Variants in JARID2 observed in about 807,000 individuals in gnomAD.
JARID2 encodes the protein jumonji and AT-rich interaction domain containing 2.
Under a neutral mutation model 125.6 loss-of-function variants are expected in JARID2, and 21 were observed. That is an observed-to-expected ratio of 0.17 (90% CI 0.12 to 0.24). The LOEUF (loss-of-function observed/expected upper bound fraction) is 0.24. JARID2 is among the 10% of genes least tolerant of loss of function. JARID2 has a pLI of 1.00. For missense variants in JARID2, 1,303 were observed against 1,639.6 expected, an observed-to-expected ratio of 0.79 and a Z score of 3.55; for synonymous variants, 736 against 661.6, an observed-to-expected ratio of 1.11 and a Z score of -1.73.
chr6:15,460,403 T>G (rs952273800), intron 4 of JARID2, among the ~76,000 whole-genome samples: 2 of 152,320 alleles, frequency 1.3e-5, no homozygotes, highest in South Asian at 4.1e-4. Flanking sequence ...GTAGTACTTC[T>G]CAGAGTCATC....
chr6:15,441,685 C>A (rs1173526907), intron 3 of JARID2, among the ~76,000 whole-genome samples: 2 of 152,184 alleles, frequency 1.3e-5, no homozygotes, highest in Non-Finnish European at 2.9e-5. Flanking sequence ...ATGGTTAGGA[C>A]CTCACCTACC....
chr6:15,429,535 C>G (rs1231765775), intron 3 of JARID2, among the ~76,000 whole-genome samples: 1 of 152,096 alleles, frequency 6.6e-6, no homozygotes, highest in Admixed American at 6.5e-5. Context: ...TCCCAAAGTG[C>G]TGAGATTACA....
chr6:15,388,812 G>C (rs998046961), intron 2 of JARID2, among the ~76,000 whole-genome samples: 1 of 152,024 alleles, frequency 6.6e-6, no homozygotes, highest in Non-Finnish European at 1.5e-5. Context: ...CCTGTTACTA[G>C]TGTTCTTGCT....
rs1198646894 is a variant in JARID2, at chr6:15,377,546, A to AC, written c.181+3299dup. Among the ~76,000 whole-genome samples, 3 of 151,762 alleles carry AC rather than the reference A, an allele frequency of 2.0e-5. No individual in the cohort carries two copies. In the East Asian group the frequency reaches 5.8e-4, roughly 29 times the overall value. ...AATGGCATGATCTTGGCTCACTGCA[A>AC]CCCCCACCTCCCGGGTTCAAGCGAT... On this transcript the variant is annotated intron_variant, in intron 2 of 17. Transcript: ENST00000341776.
At chr6:15,374,302 G>A (rs13214720) in intron 2 of JARID2, 50 bp downstream of exon 2, 178,458 of 1,591,858 alleles carry the variant, frequency 0.11, 10,844 homozygotes, top group Middle Eastern at 0.14. Context: ...ATCTCTGGGC[G>A]TGGACTTGTT....
In JARID2 at chr6:15,330,655, A is replaced by G. The variant is rs1561796064; in HGVS notation, c.46-43462A>G. Among the ~76,000 whole-genome samples, 7 of 152,356 alleles carry G rather than the reference A, an allele frequency of 4.6e-5. No homozygotes were observed. In the South Asian group the frequency reaches 1.4e-3, roughly 32 times the overall value. ...TGTAAATTAGGAAAACAGTCAAAAC[A>G]TTTAACATTTTGAACACTTCACAGA... On this transcript the variant is annotated intron_variant, in intron 1 of 17. Transcript: ENST00000341776.
At chr6:15,487,755 G>A (rs1351759893) in intron 6 of JARID2, among the ~76,000 whole-genome samples, 1 of 152,166 alleles carries the variant, frequency 6.6e-6, no homozygotes, top group South Asian at 2.1e-4. Context: ...ATTCATCCCT[G>A]GGTGCCACTG....
chr6:15,250,801 A>G (rs1247322814), intron 1 of JARID2, among the ~76,000 whole-genome samples: 2 of 152,142 alleles, frequency 1.3e-5, no homozygotes, highest in African/African-American at 4.8e-5. Flanking sequence ...CGCACTTCCA[A>G]GTGCCTTGGA....
chr6:15,425,108 G>T (rs555343714), intron 3 of JARID2, among the ~76,000 whole-genome samples: 67 of 152,296 alleles, frequency 4.4e-4, no homozygotes, highest in African/African-American at 1.3e-3. Context: ...AGTAAATGAT[G>T]TCTGCTCACC....
At chr6:15,280,320 T>C (rs913963588) in intron 1 of JARID2, among the ~76,000 whole-genome samples, 1 of 152,188 alleles carries the variant, frequency 6.6e-6, no homozygotes, top group Admixed American at 6.5e-5. Context: ...CAGGGCCAAG[T>C]TGAGAAATTA....
At chr6:15,365,389 T>C (rs1042407388) in intron 1 of JARID2, among the ~76,000 whole-genome samples, 1 of 152,184 alleles carries the variant, frequency 6.6e-6, no homozygotes, top group African/African-American at 2.4e-5. Flanking sequence ...TTCTGGCTGC[T>C]CTGTTCCCTG....
At chr6:15,427,950 C>G (rs1268490674) in intron 3 of JARID2, among the ~76,000 whole-genome samples, 1 of 151,648 alleles carries the variant, frequency 6.6e-6, no homozygotes, top group Non-Finnish European at 1.5e-5. Context: ...AGTGCAATTG[C>G]AAGTAGTGCA....
In JARID2 at chr6:15,287,247, T is replaced by C. The variant is rs1341542104; in HGVS notation, c.45+40663T>C. 3.3e-5 allele frequency among the ~76,000 whole-genome samples: 5 copies of C among 152,244 alleles called. No homozygotes were observed. In the East Asian group the frequency reaches 9.6e-4, roughly 29 times the overall value. ...AGTGCTTTTGCAATCGGGTGAAATG[T>C]GTGACCCCTTCTTAAAATATTTCCA... On this transcript the variant is annotated intron_variant, in intron 1 of 17. Transcript: ENST00000341776.
intron 5 of JARID2, among the ~76,000 whole-genome samples, chr6:15,477,402 A>G (rs1769395859): frequency 6.6e-6 from 1 of 151,540 alleles, no homozygotes; most frequent in Non-Finnish European, 1.5e-5. Flanking sequence ...CCGAGAGAAC[A>G]TGTGATATTC....
At chr6:15,489,794 G>A (rs1770059364) in intron 6 of JARID2, among the ~76,000 whole-genome samples, 1 of 152,182 alleles carries the variant, frequency 6.6e-6, no homozygotes, top group Non-Finnish European at 1.5e-5. Context: ...GTCCTTGCAG[G>A]GAGCGCCATG....
At chr6:15,484,528 A>T (rs1405811446) in intron 5 of JARID2, among the ~76,000 whole-genome samples, 1 of 152,220 alleles carries the variant, frequency 6.6e-6, no homozygotes, top group African/African-American at 2.4e-5. Context: ...GCCCTTTTAA[A>T]CATGCAGTGA....
intron 5 of JARID2, among the ~76,000 whole-genome samples, chr6:15,470,041 G>A (rs1561885398): frequency 6.6e-6 from 1 of 152,050 alleles, no homozygotes; most frequent in Non-Finnish European, 1.5e-5. Flanking sequence ...GCCGGGCATG[G>A]TGGTGTGCTG....
intron 1 of JARID2, among the ~76,000 whole-genome samples, chr6:15,272,124 C>CA (rs1209348491): frequency 1.4e-4 from 22 of 151,912 alleles, no homozygotes; most frequent in Admixed American, 2.0e-4. Flanking sequence ...GACTCTGTCT[C>CA]AAAAAAACGA....
intron 1 of JARID2, chr6:15,247,896 CG>C: frequency 1.0e-6 from 1 of 985,404 alleles, no homozygotes; most frequent in Non-Finnish European, 1.2e-6. Flanking sequence ...AGTTTAAACT[CG>C]GGCTGTAGAA....
Sources: gnomAD v4.1 joint callset for allele counts (sites outside exome capture counted in the v4.1 genomes callset) on GRCh38, gnomAD v4.1.1 for gene constraint, MANE v1.5 for transcripts, NCBI Gene and HGNC (gene_info 2026-07-23, HGNC 2026-07-21) for gene names.